The following SLC38A1 variants were observed in gnomAD, a reference collection of about 807,000 sequenced individuals.
SLC38A1 encodes solute carrier family 38 member 1.
SLC38A1 carries 18 observed loss-of-function variants against 60.3 expected under a neutral mutation model. That is an observed-to-expected ratio of 0.30 (90% CI 0.21 to 0.44). SLC38A1 has a LOEUF of 0.44. Ranked by LOEUF, SLC38A1 falls within the 20% of genes least tolerant of loss-of-function variation. The probability of loss-of-function intolerance (pLI) is 1.00; values close to 1 mark genes in which losing one functional copy is unlikely to be tolerated. For missense variants in SLC38A1, 448 were observed against 587.2 expected (o/e 0.76, Z 2.45); for synonymous variants, 196 against 212.1 (o/e 0.92, Z 0.66).
chr12:46,227,658 G>A (rs1276637888), intron 5 of SLC38A1, among the ~76,000 whole-genome samples: 2 of 152,100 alleles, frequency 1.3e-5, no homozygotes, highest in Non-Finnish European at 2.9e-5. Context: ...TTTAAAAAAA[G>A]AAATCAATGT....
intron 1 of SLC38A1, among the ~76,000 whole-genome samples, chr12:46,256,636 CAGAGAG>C (rs1555192390): frequency 8.1e-5 from 10 of 123,204 alleles, no homozygotes; most frequent in Non-Finnish European, 1.1e-4. Flanking sequence ...CACACACACA[CAGAGAG>C]AGAGAGAGAG....
rs1250337790 is a variant in SLC38A1, at chr12:46,188,643, T to A, written c.*327A>T. On this transcript the variant is annotated 3_prime_UTR_variant, in exon 17 of 17. Transcript: ENST00000398637. ...TATAATAAATAAACATTATTGTATA[T>A]CATGTTTTCAAAGTTCTAAGAGACC... 5.0e-6 allele frequency: 1 copy of A among 201,240 alleles called. No individual in the cohort carries two copies. The highest frequency in any genetic ancestry group is 2.3e-5 in the African/African-American group (1 of 43,376). 12.5% of individuals were successfully genotyped at this position (201,240 alleles called of 1,614,324 possible). A position where few individuals can be genotyped will look rare whatever the true frequency, so the allele number is the denominator to read the frequency against.
intron 5 of SLC38A1, among the ~76,000 whole-genome samples, chr12:46,213,569 A>C (rs555177675): frequency 1.6e-4 from 25 of 152,320 alleles, no homozygotes; most frequent in African/African-American, 4.6e-4. Flanking sequence ...AGTCGACCTT[A>C]TCTCTCACCC....
At chr12:46,199,461 T>C (rs1461555152) in intron 13 of SLC38A1, among the ~76,000 whole-genome samples, 1 of 151,692 alleles carries the variant, frequency 6.6e-6, no homozygotes, top group African/African-American at 2.4e-5. Context: ...GCAATCCTCC[T>C]GCCTCAGCCT....
At chr12:46,229,072 T>G (rs1183010389) in intron 5 of SLC38A1, 81 bp downstream of exon 5, 1 of 740,308 alleles carries the variant, frequency 1.4e-6, no homozygotes, top group Non-Finnish European at 2.2e-6. Context: ...TTATAAATAT[T>G]TCACATTTCT....
intron 1 of SLC38A1, among the ~76,000 whole-genome samples, chr12:46,258,269 C>T (rs1010369147): frequency 3.3e-5 from 5 of 152,160 alleles, no homozygotes; most frequent in East Asian, 3.9e-4. Context: ...CATCTGGAAA[C>T]GCAGCTCAGT....
chr12:46,229,418 T>C (rs1245610072), intron 4 of SLC38A1, 146 bp downstream of exon 4: 2 of 812,120 alleles, frequency 2.5e-6, no homozygotes, highest in East Asian at 2.6e-5. Context: ...CTTGAATGGA[T>C]TTCAAGAGAA....
chr12:46,200,460 T>C (rs900560262), intron 13 of SLC38A1, among the ~76,000 whole-genome samples: 1 of 151,930 alleles, frequency 6.6e-6, no homozygotes, highest in Non-Finnish European at 1.5e-5. Context: ...AGGTCCCCAA[T>C]TATAAAGATA....
chr12:46,231,023 C>T (rs1565778987), intron 3 of SLC38A1, among the ~76,000 whole-genome samples: 2 of 152,136 alleles, frequency 1.3e-5, no homozygotes, highest in African/African-American at 4.8e-5. Flanking sequence ...CACTATTCAC[C>T]ATAGCAAAGT....
chr12:46,239,580 T>A lies in SLC38A1; in HGVS notation c.122+99A>T, dbSNP rs534588693. On this transcript the variant is annotated intron_variant, in intron 3 of 16. Coordinates refer to ENST00000398637, the MANE Select transcript of SLC38A1 (RefSeq NM_030674.4). ...CTGGTCTCGAATTCCTGACCTCAAA[T>A]GATCCACCCACCTCGGCCTCCCAAA... is the stretch of plus-strand genomic sequence containing the variant. 5.9e-6 allele frequency: 8 copies of A among 1,351,932 alleles called. No individual in the cohort carries two copies. In the South Asian group the frequency reaches 9.8e-5, roughly 17 times the overall value. 83.7% of individuals were successfully genotyped at this position (1,351,932 alleles called of 1,614,324 possible). A position where few individuals can be genotyped will look rare whatever the true frequency, so the allele number is the denominator to read the frequency against.
intron 1 of SLC38A1, among the ~76,000 whole-genome samples, chr12:46,249,718 G>C (rs1941766075): frequency 6.6e-6 from 1 of 152,114 alleles, no homozygotes; most frequent in African/African-American, 2.4e-5. Flanking sequence ...CCTCTACACA[G>C]ATAAACCAGA....
intron 5 of SLC38A1, among the ~76,000 whole-genome samples, chr12:46,211,803 C>T (rs780740447): frequency 2.6e-5 from 4 of 152,226 alleles, no homozygotes; most frequent in Non-Finnish European, 5.9e-5. Flanking sequence ...TACTTAGAGT[C>T]TGATAGTTTT....
At chr12:46,234,985 A>G (rs1941209820) in intron 3 of SLC38A1, among the ~76,000 whole-genome samples, 1 of 152,236 alleles carries the variant, frequency 6.6e-6, no homozygotes, top group African/African-American at 2.4e-5. Context: ...AAGAGTTCTC[A>G]TTGGGTGTGT....
intron 1 of SLC38A1, among the ~76,000 whole-genome samples, chr12:46,250,661 T>C (rs1941804732): frequency 6.6e-6 from 1 of 152,162 alleles, no homozygotes; most frequent in Middle Eastern, 3.2e-3. Context: ...AAAATCAATG[T>C]GCAAAAATCA....
At chr12:46,206,192 T>A (rs1416825359) in intron 8 of SLC38A1, 30 bp from the exon 9 acceptor site, 1 of 1,433,096 alleles carries the variant, frequency 7.0e-7, no homozygotes, top group African/African-American at 1.4e-5. Context: ...TTAGGTTATA[T>A]TTTTTTAGAA....
chr12:46,224,870 A>G (rs1940804972), intron 5 of SLC38A1, among the ~76,000 whole-genome samples: 1 of 152,242 alleles, frequency 6.6e-6, no homozygotes, highest in Non-Finnish European at 1.5e-5. Flanking sequence ...AGTTTCATCC[A>G]GGAAAAATCT....
intron 1 of SLC38A1, among the ~76,000 whole-genome samples, chr12:46,260,905 A>G (rs1312926033): frequency 1.3e-5 from 2 of 152,110 alleles, no homozygotes. Context: ...TCTTCCTGAA[A>G]AGACAGTCTT....
intron 1 of SLC38A1, among the ~76,000 whole-genome samples, chr12:46,244,732 T>A (rs1050676686): frequency 7.9e-5 from 12 of 152,220 alleles, no homozygotes; most frequent in African/African-American, 2.9e-4. Flanking sequence ...TGTTAATTAT[T>A]CCTAGAGGCC....
intron 5 of SLC38A1, among the ~76,000 whole-genome samples, chr12:46,211,850 T>C (rs1408281296): frequency 6.6e-6 from 1 of 152,236 alleles, no homozygotes; most frequent in Non-Finnish European, 1.5e-5. Context: ...GATCTCTTCT[T>C]AGTCCTTTCC....
Sources: gnomAD v4.1 joint callset for allele counts (sites outside exome capture counted in the v4.1 genomes callset) on GRCh38, gnomAD v4.1.1 for gene constraint, MANE v1.5 for transcripts, NCBI Gene and HGNC (gene_info 2026-07-23, HGNC 2026-07-21) for gene names.